Variants in IL1RAPL2 observed in about 807,000 individuals in gnomAD.
The protein encoded by IL1RAPL2 is interleukin 1 receptor accessory protein like 2, also known as X-linked interleukin-1 receptor accessory protein-like 2.
Under a neutral mutation model 44.1 loss-of-function variants are expected in IL1RAPL2, and 3 were observed. The observed-to-expected ratio is 0.07, with a 90% CI of 0.03 to 0.18. The LOEUF is 0.18. IL1RAPL2 is among the 10% of genes least tolerant of loss of function. IL1RAPL2 has a pLI of 1.00. For missense variants in IL1RAPL2, 391 were observed against 496.4 expected, an observed-to-expected ratio of 0.79 and a Z score of 2.02; for synonymous variants, 181 against 178.8, an observed-to-expected ratio of 1.01 and a Z score of -0.10.
chrX:105,020,019 A>C (rs745355035), intron 2 of IL1RAPL2, among the ~76,000 whole-genome samples: 13 of 110,667 alleles, frequency 1.2e-4, no homozygotes, highest in Non-Finnish European at 1.9e-4. Flanking sequence ...TTGTTTTTAG[A>C]TGGGGTTTCC....
chrX:105,341,489 G>A (rs1215113375), intron 5 of IL1RAPL2, among the ~76,000 whole-genome samples: 1 of 111,487 alleles, frequency 9.0e-6, no homozygotes, highest in Non-Finnish European at 1.9e-5. Flanking sequence ...CACCTGGAAG[G>A]TTACCAGAAT....
At chrX:104,733,312 C>T (rs1229090852) in intron 2 of IL1RAPL2, among the ~76,000 whole-genome samples, 1 of 111,011 alleles carries the variant, frequency 9.0e-6, no homozygotes, top group Non-Finnish European at 1.9e-5. Flanking sequence ...ATATTCAGGA[C>T]CGGGCGCAGT....
intron 7 of IL1RAPL2, among the ~76,000 whole-genome samples, chrX:105,718,582 A>G (rs1312002313): frequency 9.0e-6 from 1 of 111,233 alleles, no homozygotes; most frequent in Non-Finnish European, 1.9e-5. Context: ...ACATGATACC[A>G]CTTTATACTC....
At chrX:105,560,813 G>T (rs764475261) in intron 6 of IL1RAPL2, among the ~76,000 whole-genome samples, 86 of 108,977 alleles carry the variant, frequency 7.9e-4, no homozygotes, top group African/African-American at 2.8e-3. Context: ...CAAATGAATG[G>T]ATAAAAACTT....
Position 105,252,858 on chromosome X carries a change from G to T in IL1RAPL2, c.544-14530G>T, listed in dbSNP as rs187341232. On this transcript the variant is annotated intron_variant, in intron 4 of 10. Coordinates refer to ENST00000372582, the MANE Select transcript of IL1RAPL2 (RefSeq NM_017416.2). ...GGCAGAGCTGAATTTGAACCCTGAC[G>T]GTGTGCAAATATCTTAGAATGGAAT... Among the ~76,000 whole-genome samples, 5 of 111,374 alleles carry T rather than the reference G, an allele frequency of 4.5e-5. No homozygotes were observed. In the East Asian group the frequency reaches 1.4e-3, roughly 32 times the overall value.
At chrX:105,034,909 T>G (rs1167474170) in intron 2 of IL1RAPL2, among the ~76,000 whole-genome samples, 10 of 97,073 alleles carry the variant, frequency 1.0e-4, no homozygotes, top group Middle Eastern at 5.0e-3. Flanking sequence ...GCTTCCCAGC[T>G]GCTTTGTTTA....
chrX:105,326,971 C>T (rs1324145393), intron 5 of IL1RAPL2, among the ~76,000 whole-genome samples: 3 of 111,854 alleles, frequency 2.7e-5, no homozygotes, highest in Admixed American at 9.6e-5. Context: ...CTAGAAAAGA[C>T]TGTGAGAGTC....
intron 2 of IL1RAPL2, among the ~76,000 whole-genome samples, chrX:104,926,237 C>A (rs1924768409): frequency 8.9e-6 from 1 of 112,006 alleles, no homozygotes; most frequent in South Asian, 3.7e-4. Context: ...AGCAAACCTG[C>A]AAACATTACA....
chrX:105,747,651 T>G (rs2038561356), intron 8 of IL1RAPL2, among the ~76,000 whole-genome samples: 1 of 108,521 alleles, frequency 9.2e-6, no homozygotes, highest in Non-Finnish European at 1.9e-5. Context: ...TAATTTCTCT[T>G]AAGCAATAAT....
chrX:104,908,663 T>C (rs1256965280), intron 2 of IL1RAPL2, among the ~76,000 whole-genome samples: 4 of 111,406 alleles, frequency 3.6e-5, no homozygotes, highest in African/African-American at 6.5e-5. Flanking sequence ...GGGTTTCTGC[T>C]GAGAGATCCG....
intron 2 of IL1RAPL2, among the ~76,000 whole-genome samples, chrX:104,702,313 T>A (rs1411734885): frequency 8.9e-6 from 1 of 112,073 alleles, no homozygotes; most frequent in Non-Finnish European, 1.9e-5. Flanking sequence ...TAATGTTGAC[T>A]GACTGCCCTT....
intron 5 of IL1RAPL2, among the ~76,000 whole-genome samples, chrX:105,310,591 T>C (rs989299487): frequency 8.9e-6 from 1 of 111,810 alleles, no homozygotes; most frequent in Non-Finnish European, 1.9e-5. Context: ...GCATAAACAT[T>C]TGTATTATAC....
chrX:104,589,309 A>C (rs1396379137), intron 1 of IL1RAPL2, among the ~76,000 whole-genome samples: 1 of 112,222 alleles, frequency 8.9e-6, no homozygotes, highest in East Asian at 2.8e-4. Flanking sequence ...GTGGAGTCTG[A>C]TGTTCGAGGG....
chrX:105,377,364 G>A (rs1162888794), intron 5 of IL1RAPL2, among the ~76,000 whole-genome samples: 1 of 108,076 alleles, frequency 9.3e-6, no homozygotes, highest in Non-Finnish European at 1.9e-5. Context: ...GTGCATGTGT[G>A]TGTGTCTGTG....
Position 104,778,785 on chromosome X carries a change from C to T in IL1RAPL2, c.82+119790C>T, listed in dbSNP as rs766535973. ...TACTAAGCAGGTAGACTGGGGCTAC[C>T]TTGGATTTTTACTTACTAAGCAGGT... On this transcript the variant is annotated intron_variant, in intron 2 of 10. Transcript: ENST00000372582. Among the ~76,000 whole-genome samples, 29 of 109,462 alleles carry T rather than the reference C, an allele frequency of 2.6e-4. No homozygotes were observed. In the South Asian group the frequency reaches 3.5e-3, roughly 13 times the overall value.
intron 1 of IL1RAPL2, among the ~76,000 whole-genome samples, chrX:104,630,992 C>A (rs948478556): frequency 7.2e-5 from 8 of 110,491 alleles, no homozygotes; most frequent in Non-Finnish European, 1.3e-4. Context: ...TACCCCCCTC[C>A]CACACCCCAC....
intron 8 of IL1RAPL2, among the ~76,000 whole-genome samples, chrX:105,744,188 T>C (rs902207202): frequency 2.7e-5 from 3 of 112,033 alleles, no homozygotes; most frequent in African/African-American, 9.7e-5. Flanking sequence ...TTTTGAAACA[T>C]TGTGTGATCC....
chrX:105,221,545 C>G, intron 3 of IL1RAPL2, among the ~76,000 whole-genome samples: 1 of 111,634 alleles, frequency 9.0e-6, no homozygotes, highest in Non-Finnish European at 1.9e-5. Flanking sequence ...AGAAAAATCA[C>G]CTGATTGGCT....
At chrX:104,778,636 C>T (rs979166498) in intron 2 of IL1RAPL2, among the ~76,000 whole-genome samples, 11 of 97,336 alleles carry the variant, frequency 1.1e-4, no homozygotes, top group African/African-American at 3.8e-4. Context: ...GTACAGATAT[C>T]TCTTTGAGAC....
Sources: allele counts gnomAD v4.1 joint callset (sites outside exome capture counted in the v4.1 genomes callset), GRCh38; gene constraint gnomAD v4.1.1; transcripts MANE v1.5; gene names NCBI Gene and HGNC (gene_info 2026-07-23, HGNC 2026-07-21).